Variants in SHISA9 observed in about 807,000 individuals in gnomAD.
The protein encoded by SHISA9 is protein shisa-9.
In SHISA9, 13 loss-of-function variants were observed where a neutral mutation model predicts 38.0. That is an observed-to-expected ratio of 0.34 (90% CI 0.22 to 0.54). The LOEUF (loss-of-function observed/expected upper bound fraction) is 0.54. Among genes scored for constraint, SHISA9 ranks in the 20% least tolerant of loss-of-function variants. The pLI is 0.91. For synonymous variants in SHISA9, 275 were observed against 242.0 expected (o/e 1.14, Z -1.27); for missense variants, 538 against 575.8 (o/e 0.93, Z 0.67).
intron 1 of SHISA9, among the ~76,000 whole-genome samples, chr16:12,903,714 C>T (rs997029596): frequency 6.6e-6 from 1 of 151,946 alleles, no homozygotes. Context: ...CTTTAACTGT[C>T]CCCTTTCAGA....
At chr16:13,480,112 C>T in the SHISA9 span, among the ~76,000 whole-genome samples, 3 of 152,228 alleles carry the variant, frequency 2.0e-5, no homozygotes, top group African/African-American at 4.8e-5. Flanking sequence ...CTCACTCCTG[C>T]ACCCATGTTT....
chr16:13,453,398 A>G, the SHISA9 span, among the ~76,000 whole-genome samples: 41 of 152,324 alleles, frequency 2.7e-4, no homozygotes, highest in East Asian at 7.9e-3. Context: ...TTTGTAAGAT[A>G]AGACAATCAC....
the SHISA9 span, among the ~76,000 whole-genome samples, chr16:13,420,481 C>G: frequency 6.6e-6 from 1 of 152,022 alleles, no homozygotes; most frequent in African/African-American, 2.4e-5. Flanking sequence ...AATGTCTTTC[C>G]TGAGGAAGGG....
chr16:13,316,911 G>A, the SHISA9 span, among the ~76,000 whole-genome samples: 1 of 152,222 alleles, frequency 6.6e-6, no homozygotes, highest in African/African-American at 2.4e-5. Flanking sequence ...GCAAGCCCAT[G>A]CACCTCCTGC....
At chr16:13,516,667 G>A in the SHISA9 span, among the ~76,000 whole-genome samples, 2 of 152,062 alleles carry the variant, frequency 1.3e-5, no homozygotes, top group East Asian at 3.9e-4. Flanking sequence ...GGGCATGGTG[G>A]CAGGCACCTG....
the SHISA9 span, among the ~76,000 whole-genome samples, chr16:13,304,974 G>A: frequency 6.6e-6 from 1 of 152,210 alleles, no homozygotes; most frequent in Non-Finnish European, 1.5e-5. Flanking sequence ...ACGTAACTAT[G>A]CTAGGCTGAT....
At chr16:12,971,315 T>A (rs1023618518) in intron 2 of SHISA9, among the ~76,000 whole-genome samples, 1 of 152,172 alleles carries the variant, frequency 6.6e-6, no homozygotes, top group Non-Finnish European at 1.5e-5. Context: ...CCTTTGCCAG[T>A]AGCCAGGAAG....
chr16:12,957,729 A>G (rs907080626), intron 2 of SHISA9, among the ~76,000 whole-genome samples: 1 of 152,166 alleles, frequency 6.6e-6, no homozygotes, highest in Non-Finnish European at 1.5e-5. Context: ...TTAAACAACA[A>G]GCGTATTTTT....
At chr16:12,988,511 A>G (rs1197851416) in intron 2 of SHISA9, among the ~76,000 whole-genome samples, 2 of 151,792 alleles carry the variant, frequency 1.3e-5, no homozygotes, top group Non-Finnish European at 2.9e-5. Flanking sequence ...CTTATATTTT[A>G]TTGTTGTTGT....
At chr16:13,203,630 G>T in intron 3 of SHISA9, 81 bp downstream of exon 3, 1 of 1,315,680 alleles carries the variant, frequency 7.6e-7, no homozygotes, top group South Asian at 2.1e-5. Flanking sequence ...TTTATCTCCA[G>T]TTTTCTTTCC....
chr16:13,209,979 TAG>T (rs527744312), intron 3 of SHISA9, among the ~76,000 whole-genome samples: 90 of 152,252 alleles, frequency 5.9e-4, no homozygotes, highest in African/African-American at 2.0e-3. Flanking sequence ...CACATGCCTG[TAG>T]TCTCAGCTAC....
At chr16:12,927,574 A>T (rs563905651) in intron 2 of SHISA9, among the ~76,000 whole-genome samples, 61 of 136,340 alleles carry the variant, frequency 4.5e-4, no homozygotes, top group Admixed American at 5.1e-4. Flanking sequence ...ATTTTTTTTG[A>T]TTTTTTTTTT....
At chr16:13,131,225 G>A (rs2050303818) in intron 2 of SHISA9, among the ~76,000 whole-genome samples, 1 of 152,114 alleles carries the variant, frequency 6.6e-6, no homozygotes, top group African/African-American at 2.4e-5. Flanking sequence ...AATGGCCATT[G>A]ATGATAGACT....
chr16:13,151,362 C>T (rs1054580448), intron 2 of SHISA9, among the ~76,000 whole-genome samples: 2 of 152,182 alleles, frequency 1.3e-5, no homozygotes, highest in African/African-American at 4.8e-5. Context: ...CCACCTCAGC[C>T]TCCCAAAGTG....
intron 2 of SHISA9, among the ~76,000 whole-genome samples, chr16:13,158,852 C>T (rs938176442): frequency 5.4e-5 from 8 of 147,316 alleles, no homozygotes; most frequent in Non-Finnish European, 1.2e-4. Context: ...GTCAGGAGGG[C>T]GAGACCATCC....
chr16:13,325,177 C>T, the SHISA9 span, among the ~76,000 whole-genome samples: 1 of 152,168 alleles, frequency 6.6e-6, no homozygotes, highest in Non-Finnish European at 1.5e-5. Flanking sequence ...CAAATTTTCC[C>T]CCAGAAGAGA....
chr16:13,239,498 G>A lies in SHISA9; in HGVS notation c.*4089G>A, dbSNP rs1167928871. ...TTTCTCCACATCCTCTCCAGCACCT[G>A]TTGTTTCCTGACTTTTTAATGATTG... On this transcript the variant is annotated 3_prime_UTR_variant, in exon 5 of 5. Transcript: ENST00000558583. 1 of 151,722 alleles carries A rather than the reference G, an allele frequency of 6.6e-6. No individual in the cohort carries two copies. Among genetic ancestry groups the A allele is most frequent in the Admixed American group, 6.6e-5 (1 of 15,242 alleles). The allele number at this position is 151,722 out of a possible 1,614,324, so 9.4% of individuals were successfully genotyped here. A position where few individuals can be genotyped will look rare whatever the true frequency, so the allele number is the denominator to read the frequency against.
At chr16:13,520,923 G>T in the SHISA9 span, among the ~76,000 whole-genome samples, 11 of 152,140 alleles carry the variant, frequency 7.2e-5, no homozygotes, top group African/African-American at 1.7e-4. Flanking sequence ...CACACATTGT[G>T]CAATGATCAA....
At chr16:13,077,480 C>T (rs1296982710) in intron 2 of SHISA9, among the ~76,000 whole-genome samples, 1 of 152,114 alleles carries the variant, frequency 6.6e-6, no homozygotes, top group Non-Finnish European at 1.5e-5. Context: ...CTGGCCCAAT[C>T]AGGAATGGCC....
Sources: allele counts gnomAD v4.1 joint callset (sites outside exome capture counted in the v4.1 genomes callset), GRCh38; gene constraint gnomAD v4.1.1; transcripts MANE v1.5; gene names NCBI Gene and HGNC (gene_info 2026-07-23, HGNC 2026-07-21).